The following COP1 variants were observed in gnomAD, a reference collection of about 807,000 sequenced individuals.
COP1 encodes E3 ubiquitin-protein ligase COP1.
COP1 carries 24 observed loss-of-function variants against 101.3 expected under a neutral mutation model. The observed-to-expected ratio is 0.24, with a 90% CI of 0.17 to 0.33. The LOEUF is 0.33. COP1 is among the 10% of genes least tolerant of loss of function. The probability of loss-of-function intolerance (pLI) is 1.00; values close to 1 mark genes in which losing one functional copy is unlikely to be tolerated. For missense variants in COP1, 663 were observed against 906.2 expected (o/e 0.73, Z 3.45); for synonymous variants, 347 against 341.9 (o/e 1.01, Z -0.17).
At chr1:176,025,532 T>C (rs993615270) in intron 15 of COP1, among the ~76,000 whole-genome samples, 1 of 145,774 alleles carries the variant, frequency 6.9e-6, no homozygotes. Flanking sequence ...GTAACATATA[T>C]AGGAAAAAAA....
intron 11 of COP1, among the ~76,000 whole-genome samples, chr1:176,062,641 C>T (rs546447747): frequency 1.3e-5 from 2 of 152,202 alleles, no homozygotes; most frequent in East Asian, 3.9e-4. Context: ...CAGGTATTCA[C>T]CCAAAGAAAT....
chr1:176,038,729 A>G (rs891599369), intron 14 of COP1, among the ~76,000 whole-genome samples: 1 of 152,086 alleles, frequency 6.6e-6, no homozygotes, highest in African/African-American at 2.4e-5. Flanking sequence ...GAGGCAGGAG[A>G]ATCGCTTGAA....
intron 9 of COP1, among the ~76,000 whole-genome samples, chr1:176,114,602 G>T (rs554263360): frequency 6.1e-5 from 9 of 146,762 alleles, no homozygotes; most frequent in African/African-American, 2.0e-4. Flanking sequence ...GGGAGGGAGT[G>T]GGGGGGAAAG....
intron 15 of COP1, among the ~76,000 whole-genome samples, chr1:175,998,941 T>C (rs1660935389): frequency 6.6e-6 from 1 of 152,082 alleles, no homozygotes; most frequent in Non-Finnish European, 1.5e-5. Context: ...TCCACTCATG[T>C]TAATGATAAA....
chr1:176,162,073 T>C (rs956407983), intron 5 of COP1, among the ~76,000 whole-genome samples: 17 of 152,140 alleles, frequency 1.1e-4, no homozygotes, highest in African/African-American at 4.1e-4. Flanking sequence ...GCTGTCCCAA[T>C]CAAACAGGCA....
chr1:176,062,461 C>T (rs903718654), intron 11 of COP1, among the ~76,000 whole-genome samples: 2 of 151,944 alleles, frequency 1.3e-5, no homozygotes, highest in African/African-American at 4.8e-5. Context: ...TAATAAAATG[C>T]CTGATATTTA....
At chr1:176,165,360 T>TGTG (rs1558240408) in intron 3 of COP1, among the ~76,000 whole-genome samples, 3 of 104,378 alleles carry the variant, frequency 2.9e-5, no homozygotes, top group Non-Finnish European at 6.3e-5. Flanking sequence ...GAGATGTGTG[T>TGTG]CGTGTGTGTG....
chr1:176,065,908 A>G (rs924257228), intron 11 of COP1, among the ~76,000 whole-genome samples: 23 of 151,996 alleles, frequency 1.5e-4, no homozygotes, highest in African/African-American at 5.3e-4. Flanking sequence ...AGGTTTCATC[A>G]TGCTGGCCAG....
At chr1:176,048,854 C>A (rs931136972) in intron 11 of COP1, among the ~76,000 whole-genome samples, 15 of 152,188 alleles carry the variant, frequency 9.9e-5, no homozygotes, top group Non-Finnish European at 2.1e-4. Context: ...AGGGAGAAAA[C>A]TGACACATAA....
intron 18 of COP1, among the ~76,000 whole-genome samples, chr1:175,947,778 T>C (rs901105017): frequency 2.6e-5 from 4 of 152,248 alleles, no homozygotes; most frequent in African/African-American, 9.6e-5. Flanking sequence ...TAGGACACTT[T>C]TGAATGTAAA....
chr1:176,101,136 C>G (rs529773405), intron 9 of COP1, among the ~76,000 whole-genome samples: 1 of 152,202 alleles, frequency 6.6e-6, no homozygotes, highest in East Asian at 1.9e-4. Flanking sequence ...GTGAATACTC[C>G]CACCCTGTAG....
At chr1:176,165,348 G>C (rs925617854) in intron 3 of COP1, among the ~76,000 whole-genome samples, 2 of 149,280 alleles carry the variant, frequency 1.3e-5, no homozygotes, top group Non-Finnish European at 3.0e-5. Flanking sequence ...GAGAGAGAGA[G>C]AGAGATGTGT....
intron 15 of COP1, among the ~76,000 whole-genome samples, chr1:176,025,521 G>C (rs983222326): frequency 4.0e-5 from 6 of 148,490 alleles, no homozygotes; most frequent in Non-Finnish European, 7.4e-5. Flanking sequence ...TAACAAAAAT[G>C]GTAACATATA....
At chr1:176,172,938 G>A (rs1223061565) in intron 3 of COP1, among the ~76,000 whole-genome samples, 1 of 152,184 alleles carries the variant, frequency 6.6e-6, no homozygotes, top group East Asian at 1.9e-4. Flanking sequence ...AGGATGAAAT[G>A]TTATTTCCAC....
intron 7 of COP1, among the ~76,000 whole-genome samples, chr1:176,135,415 T>C (rs571984938): frequency 3.3e-4 from 50 of 152,184 alleles, no homozygotes; most frequent in Admixed American, 1.1e-3. Context: ...ACTATGTGAA[T>C]AGTGAACTAG....
At chr1:176,029,904 C>T (rs927631230) in intron 14 of COP1, among the ~76,000 whole-genome samples, 2 of 151,978 alleles carry the variant, frequency 1.3e-5, no homozygotes, top group Admixed American at 6.6e-5. Context: ...ATTAGCCTTC[C>T]CACAGTAAAC....
At chr1:176,154,724 G>A (rs942993013) in intron 5 of COP1, among the ~76,000 whole-genome samples, 2 of 152,012 alleles carry the variant, frequency 1.3e-5, no homozygotes, top group African/African-American at 2.4e-5. Flanking sequence ...TCTGTACAAT[G>A]AACCCCCATG....
chr1:176,002,087 T>C (rs1212061294), intron 15 of COP1, among the ~76,000 whole-genome samples: 2 of 152,140 alleles, frequency 1.3e-5, no homozygotes, highest in South Asian at 2.1e-4. Context: ...CTTATCTACT[T>C]GGGGTTTATT....
Position 176,136,506 on chromosome 1 carries a change from C to A in COP1, c.873G>T (p.Glu291Asp), listed in dbSNP as rs201943014. 1 of 1,605,232 alleles carries A rather than the reference C, an allele frequency of 6.2e-7. No individual in the cohort carries two copies. Among genetic ancestry groups the A allele is most frequent in the African/African-American group, 1.3e-5 (1 of 74,270 alleles). Reference sequence around the variant, plus strand: ...TCCTTACTTCCACTCTCTTAATATCCTCTTCCAAAACACTTAGCTCCTTCT... The same window carrying A: ...TCCTTACTTCCACTCTCTTAATATCATCTTCCAAAACACTTAGCTCCTTCT... ...QIQKELSVLE[E>D]DIKRVEEMSG... is the part of the protein sequence containing the mutation. Residue 291 changes from glutamate to aspartate, a missense_variant, in exon 7 of 20, where the codon GAG (glutamate) becomes GAT (aspartate). By Grantham distance (45) the Glu-to-Asp change is conservative. Coordinates refer to ENST00000367669, the MANE Select transcript of COP1 (RefSeq NM_022457.7).
Sources: gnomAD v4.1 joint callset for allele counts (sites outside exome capture counted in the v4.1 genomes callset) on GRCh38, gnomAD v4.1.1 for gene constraint, MANE v1.5 for transcripts, NCBI Gene and HGNC (gene_info 2026-07-23, HGNC 2026-07-21) for gene names.